The following RPSA2 variants were observed in gnomAD, a reference collection of about 807,000 sequenced individuals.
The protein encoded by RPSA2 is small ribosomal subunit protein uS2B.
the RPSA2 span, among the ~76,000 whole-genome samples, chr19:23,844,383 A>AT: frequency 8.5e-5 from 13 of 152,190 alleles, no homozygotes; most frequent in Admixed American, 2.6e-4. Context: ...ATAATAAACT[A>AT]TTTTTTTGGG....
the RPSA2 span, among the ~76,000 whole-genome samples, chr19:23,794,720 T>G: frequency 1.3e-5 from 2 of 152,216 alleles, no homozygotes; most frequent in Non-Finnish European, 2.9e-5. Flanking sequence ...TTTGCTTTTG[T>G]TGCAATGGCT....
the RPSA2 span, among the ~76,000 whole-genome samples, chr19:23,870,072 GC>G: frequency 2.6e-5 from 4 of 152,164 alleles, no homozygotes; most frequent in African/African-American, 9.7e-5. Context: ...ATCTGTCTGA[GC>G]CTTGTGATGC....
At chr19:23,809,462 T>C in the RPSA2 span, 6 of 152,296 alleles carry the variant, frequency 3.9e-5, no homozygotes, top group African/African-American at 1.2e-4. Context: ...TTGGATAATA[T>C]GGCAGTTTCA....
the RPSA2 span, among the ~76,000 whole-genome samples, chr19:23,761,830 T>G: frequency 6.6e-6 from 1 of 151,612 alleles, no homozygotes; most frequent in Admixed American, 6.6e-5. Context: ...ACGGCACAAT[T>G]ACCCTGGAAT....
At chr19:23,786,010 A>G in the RPSA2 span, among the ~76,000 whole-genome samples, 106 of 152,328 alleles carry the variant, frequency 7.0e-4, no homozygotes, top group African/African-American at 2.5e-3. Flanking sequence ...AATTGTCACC[A>G]TAATACAATC....
At chr19:23,832,910 C>A in the RPSA2 span, 1 of 1,550,312 alleles carries the variant, frequency 6.5e-7, no homozygotes, top group Non-Finnish European at 8.8e-7. Context: ...CGTGGCAAAT[C>A]TTTTAACCTG....
chr19:23,847,971 T>A, the RPSA2 span, among the ~76,000 whole-genome samples: 4 of 152,188 alleles, frequency 2.6e-5, no homozygotes, highest in Admixed American at 6.5e-5. Flanking sequence ...TCAGACCTTA[T>A]GGTTGTCTTC....
At chr19:23,789,741 G>T in the RPSA2 span, among the ~76,000 whole-genome samples, 3 of 150,762 alleles carry the variant, frequency 2.0e-5, no homozygotes, top group African/African-American at 4.9e-5. Context: ...ACAGAGTCTC[G>T]CTCTGTCACC....
At chr19:23,801,845 C>T in the RPSA2 span, among the ~76,000 whole-genome samples, 1 of 152,078 alleles carries the variant, frequency 6.6e-6, no homozygotes, top group African/African-American at 2.4e-5. Flanking sequence ...TTAAGCTTGG[C>T]CCCAATAAAC....
At chr19:23,768,229 C>G in the RPSA2 span, among the ~76,000 whole-genome samples, 2 of 151,900 alleles carry the variant, frequency 1.3e-5, no homozygotes, top group African/African-American at 4.8e-5. Flanking sequence ...AATAGAACCC[C>G]AGGGGTTTGC....
the RPSA2 span, among the ~76,000 whole-genome samples, chr19:23,854,420 G>T: frequency 2.0e-5 from 3 of 152,204 alleles, no homozygotes; most frequent in Non-Finnish European, 4.4e-5. Context: ...GGACCCACCT[G>T]GGTTGGCTGT....
At chr19:23,856,928 T>G in the RPSA2 span, among the ~76,000 whole-genome samples, 7 of 152,162 alleles carry the variant, frequency 4.6e-5, no homozygotes, top group African/African-American at 1.7e-4. Flanking sequence ...ATTGTCTTGT[T>G]AAACATCTTA....
At chr19:23,820,715 G>A in the RPSA2 span, among the ~76,000 whole-genome samples, 3 of 151,910 alleles carry the variant, frequency 2.0e-5, no homozygotes, top group Non-Finnish European at 4.4e-5. Flanking sequence ...ATAGCAATGT[G>A]GCAAAAGCAT....
chr19:23,841,358 G>T, the RPSA2 span, among the ~76,000 whole-genome samples: 1 of 152,178 alleles, frequency 6.6e-6, no homozygotes, highest in East Asian at 1.9e-4. Flanking sequence ...CAGCTACTCG[G>T]GAGGCTAAGG....
the RPSA2 span, among the ~76,000 whole-genome samples, chr19:23,802,299 A>T: frequency 6.6e-6 from 1 of 152,218 alleles, no homozygotes; most frequent in South Asian, 2.1e-4. Flanking sequence ...AACTATAGCT[A>T]CCTGGAAAAT....
the RPSA2 span, among the ~76,000 whole-genome samples, chr19:23,796,791 C>T: frequency 6.6e-6 from 1 of 151,062 alleles, no homozygotes; most frequent in Non-Finnish European, 1.5e-5. Context: ...AGTAATGTCT[C>T]CTGTTATTTC....
the RPSA2 span, among the ~76,000 whole-genome samples, chr19:23,762,719 G>A: frequency 7.1e-4 from 105 of 148,884 alleles, no homozygotes; most frequent in African/African-American, 2.5e-3. Flanking sequence ...TTACCCTTAA[G>A]TAGCAAATAA....
At chr19:23,863,953 G>A in the RPSA2 span, among the ~76,000 whole-genome samples, 1 of 152,126 alleles carries the variant, frequency 6.6e-6, no homozygotes, top group African/African-American at 2.4e-5. Flanking sequence ...AGACCACCAT[G>A]TTCACCACAT....
the RPSA2 span, among the ~76,000 whole-genome samples, chr19:23,779,537 C>G: frequency 6.6e-6 from 1 of 152,134 alleles, no homozygotes. Flanking sequence ...TTTATTTTTG[C>G]TAATCACCTA....
Sources: allele counts gnomAD v4.1 joint callset (sites outside exome capture counted in the v4.1 genomes callset), GRCh38; gene constraint gnomAD v4.1.1; transcripts MANE v1.5; gene names NCBI Gene and HGNC (gene_info 2026-07-23, HGNC 2026-07-21).